CIT: variants seen among roughly 807,000 people sequenced by gnomAD.
The protein encoded by CIT is citron Rho-interacting kinase.
A neutral mutation model predicts 272.7 loss-of-function variants in CIT; 79 were observed. The observed-to-expected ratio is 0.29, with a 90% confidence interval of 0.24 to 0.35. The LOEUF (loss-of-function observed/expected upper bound fraction) is 0.35, where lower values mean the gene tolerates loss of function less well. Ranked by LOEUF, CIT falls within the 10% of genes least tolerant of loss-of-function variation. CIT has a pLI of 1.00. For missense variants in CIT, 1,909 were observed against 2,618.3 expected (o/e 0.73, Z 5.91); for synonymous variants, 948 against 995.6 (o/e 0.95, Z 0.90).
At chr12:119,772,932 G>C (rs1270139262) in intron 16 of CIT, 22 bp from the exon 17 acceptor site, 1 of 1,601,352 alleles carries the variant, frequency 6.2e-7, no homozygotes, top group South Asian at 1.1e-5. Context: ...GAAGGAAAAG[G>C]AGATAGGTGG....
At chr12:119,872,128 T>G (rs1337481110) in intron 2 of CIT, among the ~76,000 whole-genome samples, 3 of 152,240 alleles carry the variant, frequency 2.0e-5, no homozygotes, top group Non-Finnish European at 4.4e-5. Context: ...AAAATGGTCC[T>G]TTATTCTGAG....
chr12:119,789,317 A>G (rs754589697), intron 10 of CIT, among the ~76,000 whole-genome samples: 3 of 152,194 alleles, frequency 2.0e-5, no homozygotes, highest in Non-Finnish European at 4.4e-5. Context: ...TCCATGTAGC[A>G]TTTTGGCCAG....
intron 23 of CIT, among the ~76,000 whole-genome samples, chr12:119,748,979 G>A (rs1959833229): frequency 6.6e-6 from 1 of 152,230 alleles, no homozygotes; most frequent in South Asian, 2.1e-4. Flanking sequence ...AGGCTGAAAT[G>A]TCTCTTTTCC....
At chr12:119,730,455 G>T (rs201150301) in intron 27 of CIT, 40 bp downstream of exon 27, 1 of 1,541,552 alleles carries the variant, frequency 6.5e-7, no homozygotes, top group South Asian at 1.2e-5. Flanking sequence ...AGAAGGAAAC[G>T]AAAATGTTTT....
chr12:119,735,207 G>A lies in CIT; in HGVS notation c.3109C>T (p.Arg1037Cys), dbSNP rs139659611. ...ATCTCTCGTTCCGTGATCTCCCGGCGGAGATGGTCCACTTCACTTCGCAGT... is the reference window on the plus strand; with the variant it reads ...ATCTCTCGTTCCGTGATCTCCCGGCAGAGATGGTCCACTTCACTTCGCAGT... ...VQLRSEVDHLRREITEREMQL... is the reference protein window; with the variant it reads ...VQLRSEVDHLCREITEREMQL... The change falls in exon 25 of 48, where the codon CGC (arginine) becomes TGC (cysteine). Residue 1037 changes from arginine to cysteine, a missense_variant. Physicochemically the swap from Arg to Cys is radical, Grantham distance 180. Coordinates refer to ENST00000392521, the MANE Select transcript of CIT (RefSeq NM_001206999.2). The A allele has an allele frequency of 1.9e-6, 3 of 1,614,100 alleles. No homozygotes were observed. Among genetic ancestry groups the A allele is most frequent in the South Asian group, 1.1e-5 (1 of 91,066 alleles).
chr12:119,768,193 C>T lies in CIT; in HGVS notation c.2209-1011G>A, dbSNP rs1304046858. ...TCCCAAAGTGCTGGGATTACAGGCACGAGCCACCATGCCTGACCAAGTTTC... is the reference window on the plus strand; with the variant it reads ...TCCCAAAGTGCTGGGATTACAGGCATGAGCCACCATGCCTGACCAAGTTTC... On this transcript the variant is annotated intron_variant, in intron 18 of 47. Coordinates refer to ENST00000392521, the MANE Select transcript of CIT (RefSeq NM_001206999.2). The surrounding 1 kb of genome is among the most constrained non-coding windows in gnomAD (Gnocchi z 4.3). Among the ~76,000 whole-genome samples the T allele has an allele frequency of 2.0e-5, 3 of 152,046 alleles. No homozygotes were observed. The highest frequency in any genetic ancestry group is 4.4e-5 in the Non-Finnish European group (3 of 67,990).
intron 4 of CIT, among the ~76,000 whole-genome samples, chr12:119,857,105 T>C (rs1374695873): frequency 6.6e-6 from 1 of 152,202 alleles, no homozygotes; most frequent in Non-Finnish European, 1.5e-5. Flanking sequence ...AGAATGTTAT[T>C]TGATTTCTTC....
intron 22 of CIT, among the ~76,000 whole-genome samples, chr12:119,756,061 T>C (rs1322014659): frequency 2.6e-5 from 4 of 152,134 alleles, no homozygotes; most frequent in East Asian, 1.9e-4. Flanking sequence ...ATAAAGGAGA[T>C]ACATTATCAC....
intron 23 of CIT, among the ~76,000 whole-genome samples, chr12:119,746,935 C>T (rs1348593527): frequency 4.6e-5 from 7 of 152,128 alleles, no homozygotes; most frequent in Non-Finnish European, 1.0e-4. Flanking sequence ...AAGGCAAAAG[C>T]TCATGCAATA....
chr12:119,806,880 A>C (rs1966643678), intron 9 of CIT, among the ~76,000 whole-genome samples: 1 of 152,190 alleles, frequency 6.6e-6, no homozygotes, highest in Non-Finnish European at 1.5e-5. Context: ...AAAGGAACCA[A>C]ACTGAACTTC....
intron 32 of CIT, among the ~76,000 whole-genome samples, chr12:119,717,917 C>T (rs575184409): frequency 2.5e-4 from 35 of 138,760 alleles, no homozygotes; most frequent in South Asian, 7.2e-4. Context: ...TCTCGGCTAC[C>T]GCAACCTCCG....
intron 19 of CIT, 84 bp from the exon 20 acceptor site, chr12:119,761,139 G>T: frequency 9.5e-7 from 1 of 1,057,142 alleles, no homozygotes; most frequent in Non-Finnish European, 1.5e-6. Flanking sequence ...AGAAAATCTA[G>T]GAAAGAGGAG....
At position 119,742,562 on chromosome 12, in the gene CIT, C is replaced by A. The variant is rs1363536406; in HGVS notation, c.2905-98G>T. ...AGAGAATAGCAATTTGCCTGGAAAG[C>A]CGAGAATGCGGCACCAGCATCTGTT... is the stretch of plus-strand genomic sequence containing the variant. On this transcript the variant is annotated intron_variant, in intron 23 of 47. Transcript: ENST00000392521. 17 of 805,800 alleles carry A rather than the reference C, an allele frequency of 2.1e-5. No homozygotes were observed. Among genetic ancestry groups the A allele is most frequent in the Non-Finnish European group, 3.3e-5 (17 of 511,386 alleles). 49.9% of individuals were successfully genotyped at this position (805,800 alleles called of 1,614,324 possible).
chr12:119,740,725 G>A (rs534197300), intron 24 of CIT, among the ~76,000 whole-genome samples: 137 of 152,196 alleles, frequency 9.0e-4, no homozygotes, highest in African/African-American at 2.7e-3. Flanking sequence ...TCATTCACGC[G>A]CATGTATGTA....
chr12:119,688,819 C>T (rs1260478418), intron 47 of CIT, among the ~76,000 whole-genome samples: 2 of 152,224 alleles, frequency 1.3e-5, no homozygotes, highest in Non-Finnish European at 2.9e-5. Flanking sequence ...TGGAAGGCAA[C>T]CACTGTGAAC....
intron 9 of CIT, among the ~76,000 whole-genome samples, chr12:119,810,847 T>A (rs1488855398): frequency 6.6e-6 from 1 of 152,068 alleles, no homozygotes; most frequent in Non-Finnish European, 1.5e-5. Flanking sequence ...TATCGAAGTC[T>A]CATGGGAATG....
intron 3 of CIT, among the ~76,000 whole-genome samples, chr12:119,866,886 G>T (rs1451965854): frequency 6.6e-6 from 1 of 152,210 alleles, no homozygotes; most frequent in Non-Finnish European, 1.5e-5. Flanking sequence ...AAACACATGG[G>T]TAGGGCTGTG....
At chr12:119,773,411 A>T (rs1008277303) in intron 16 of CIT, among the ~76,000 whole-genome samples, 1 of 152,152 alleles carries the variant, frequency 6.6e-6, no homozygotes, top group African/African-American at 2.4e-5. Flanking sequence ...TAAAACAAAC[A>T]TATCATTCAA....
intron 10 of CIT, among the ~76,000 whole-genome samples, chr12:119,801,784 C>T (rs1291664717): frequency 1.3e-5 from 2 of 152,234 alleles, no homozygotes; most frequent in Non-Finnish European, 2.9e-5. Flanking sequence ...AGCTAGTTAG[C>T]ACTCTGCCTC....
Sources: gnomAD v4.1 joint callset for allele counts (sites outside exome capture counted in the v4.1 genomes callset) on GRCh38, gnomAD v4.1.1 for gene constraint, Gnocchi (gnomAD v3.1) non-coding constraint, MANE v1.5 for transcripts, NCBI Gene and HGNC (gene_info 2026-07-23, HGNC 2026-07-21) for gene names.